CA10: variants seen among roughly 807,000 people sequenced by gnomAD.
CA10 encodes carbonic anhydrase 10 (inactive), also known as carbonic anhydrase-related protein 10.
A neutral mutation model predicts 44.2 loss-of-function variants in CA10; 14 were observed. The ratio of observed to expected loss-of-function variants is 0.32; its 90% CI spans 0.21 to 0.50. The LOEUF is 0.50. Ranked by LOEUF, CA10 falls within the 20% of genes least tolerant of loss-of-function variation. The pLI is 0.99. For missense variants in CA10, 350 were observed against 409.7 expected, an observed-to-expected ratio of 0.85 and a Z score of 1.26; for synonymous variants, 159 against 141.6, an observed-to-expected ratio of 1.12 and a Z score of -0.87.
At chr17:52,140,512 A>C (rs1324654008) in intron 1 of CA10, among the ~76,000 whole-genome samples, 1 of 152,200 alleles carries the variant, frequency 6.6e-6, no homozygotes, top group Non-Finnish European at 1.5e-5. Context: ...CATGAAATAT[A>C]TTATTTCCTC....
chr17:51,856,224 A>G (rs117338025), intron 3 of CA10, among the ~76,000 whole-genome samples: 2,823 of 152,296 alleles, frequency 0.019, 47 homozygotes, highest in South Asian at 0.064. Context: ...ATCCTAATGT[A>G]TTAGATCTTT....
intron 3 of CA10, among the ~76,000 whole-genome samples, chr17:51,923,606 T>C (rs899955413): frequency 6.6e-6 from 1 of 152,170 alleles, no homozygotes; most frequent in African/African-American, 2.4e-5. Flanking sequence ...CATAGCAATG[T>C]GGACATGCCG....
intron 1 of CA10, chr17:52,134,802 G>C: frequency 3.9e-6 from 2 of 507,606 alleles, no homozygotes; most frequent in Non-Finnish European, 8.0e-6. Flanking sequence ...CTCTTCCACT[G>C]TGCCCTGGCA....
intron 2 of CA10, among the ~76,000 whole-genome samples, chr17:51,959,797 G>GAAAAAAAAAAAAAAAAAAAAAGAAAA (rs3062037): frequency 8.9e-5 from 10 of 112,354 alleles, no homozygotes; most frequent in Non-Finnish European, 1.2e-4. Context: ...CTGCTAAGAT[G>GAAAAAAAAAAAAAAAAAAAAAGAAAA]AAAAAAAAAA....
chr17:51,826,940 A>C (rs749862313), intron 3 of CA10, among the ~76,000 whole-genome samples: 1 of 152,174 alleles, frequency 6.6e-6, no homozygotes, highest in East Asian at 1.9e-4. Flanking sequence ...TACACCCTGC[A>C]CACACGTTTG....
At chr17:51,635,780 A>AG in intron 7 of CA10, 75 bp downstream of exon 7, 1 of 1,173,970 alleles carries the variant, frequency 8.5e-7, no homozygotes, top group Non-Finnish European at 1.2e-6. Context: ...CTATTATAAT[A>AG]GGCACTCCAC....
chr17:52,024,954 T>C (rs1986253817), intron 2 of CA10, among the ~76,000 whole-genome samples: 2 of 151,896 alleles, frequency 1.3e-5, no homozygotes, highest in South Asian at 2.1e-4. Flanking sequence ...ATATATAGTA[T>C]ATGTATATAT....
chr17:51,882,599 GC>G (rs1199789658), intron 3 of CA10, among the ~76,000 whole-genome samples: 3 of 152,166 alleles, frequency 2.0e-5, no homozygotes, highest in African/African-American at 7.2e-5. Context: ...TGATAATGCC[GC>G]CTGATTTAGG....
chr17:51,862,110 C>G (rs1353563707), intron 3 of CA10, among the ~76,000 whole-genome samples: 1 of 152,170 alleles, frequency 6.6e-6, no homozygotes, highest in African/African-American at 2.4e-5. Flanking sequence ...AATTTTCTCA[C>G]AGATAAAGTC....
chr17:52,062,645 A>G (rs1167428687), intron 2 of CA10, among the ~76,000 whole-genome samples: 2 of 152,168 alleles, frequency 1.3e-5, no homozygotes, highest in Non-Finnish European at 2.9e-5. Context: ...AACCCCACAT[A>G]CTATTTCAGC....
intron 3 of CA10, among the ~76,000 whole-genome samples, chr17:51,895,066 T>G (rs945516918): frequency 2.0e-5 from 3 of 152,100 alleles, no homozygotes; most frequent in Admixed American, 2.0e-4. Flanking sequence ...TTCTCATCAC[T>G]GAGCCCATTA....
intron 2 of CA10, among the ~76,000 whole-genome samples, chr17:51,972,700 C>T (rs992090797): frequency 1.3e-5 from 2 of 151,680 alleles, no homozygotes; most frequent in African/African-American, 4.8e-5. Context: ...AAATATCTAG[C>T]ATAGTGTGCT....
At chr17:52,057,631 G>A (rs1987266895) in intron 2 of CA10, among the ~76,000 whole-genome samples, 1 of 151,994 alleles carries the variant, frequency 6.6e-6, no homozygotes, top group Admixed American at 6.6e-5. Flanking sequence ...TCACCACATT[G>A]CTCAAGGGTA....
At chr17:51,793,106 TTC>T (rs1906583831) in intron 3 of CA10, among the ~76,000 whole-genome samples, 1 of 152,194 alleles carries the variant, frequency 6.6e-6, no homozygotes, top group African/African-American at 2.4e-5. Context: ...TCCATCTTTC[TTC>T]TCTCTCTATG....
In CA10 at chr17:52,157,865, A is replaced by ACACACTCGCACACACTTCCGAGCGAGTG; in HGVS notation, c.-107_-80dup. The ACACACTCGCACACACTTCCGAGCGAGTG allele has an allele frequency of 9.7e-7, 1 of 1,030,420 alleles. No homozygotes were observed. The highest frequency in any genetic ancestry group is 1.5e-6 in the Non-Finnish European group (1 of 649,320). 63.8% of individuals were successfully genotyped at this position (1,030,420 alleles called of 1,614,324 possible). ...GGAGCCCGACACGGCACACACACAT[A>ACACACTCGCACACACTTCCGAGCGAGTG]CACACTCGCACACACTTCCGAGCGA... On this transcript the variant is annotated 5_prime_UTR_variant, in exon 1 of 9. Coordinates refer to ENST00000451037, the MANE Select transcript of CA10 (RefSeq NM_020178.5).
At chr17:51,729,465 C>T (rs1428759914) in intron 4 of CA10, among the ~76,000 whole-genome samples, 1 of 152,112 alleles carries the variant, frequency 6.6e-6, no homozygotes, top group Non-Finnish European at 1.5e-5. Context: ...TGCATATGGA[C>T]TTTTCATATG....
At chr17:51,644,306 TCA>T (rs758078431) in intron 6 of CA10, among the ~76,000 whole-genome samples, 2 of 152,084 alleles carry the variant, frequency 1.3e-5, no homozygotes, top group African/African-American at 2.4e-5. Flanking sequence ...CTGCACCACC[TCA>T]GTTTGCTGAT....
rs538186491 is a variant in CA10, at chr17:52,136,544, A to T, written c.61+21182T>A. Among the ~76,000 whole-genome samples the T allele has an allele frequency of 1.6e-4, 24 of 152,046 alleles. 1 individual carries two copies. In the South Asian group the frequency reaches 4.2e-3, roughly 26 times the overall value. On this transcript the variant is annotated intron_variant, in intron 1 of 8. Coordinates refer to ENST00000451037, the MANE Select transcript of CA10 (RefSeq NM_020178.5). Reference sequence around the variant, plus strand: ...TCAAGGAATCCTACGCACCCTAACTACTCAAGCTGGGAGTGAGGGGTGGTA... The same window carrying T: ...TCAAGGAATCCTACGCACCCTAACTTCTCAAGCTGGGAGTGAGGGGTGGTA...
intron 4 of CA10, among the ~76,000 whole-genome samples, chr17:51,740,858 A>G (rs1366881925): frequency 6.6e-6 from 1 of 152,172 alleles, no homozygotes; most frequent in East Asian, 1.9e-4. Flanking sequence ...TATACTGGCC[A>G]CACTATTTAA....
Sources: gnomAD v4.1 joint callset for allele counts (sites outside exome capture counted in the v4.1 genomes callset) on GRCh38, gnomAD v4.1.1 for gene constraint, MANE v1.5 for transcripts, NCBI Gene and HGNC (gene_info 2026-07-23, HGNC 2026-07-21) for gene names.